RNF217: variants seen among roughly 807,000 people sequenced by gnomAD.
RNF217 encodes the protein ring finger protein 217.
In RNF217, 31 loss-of-function variants were observed where a neutral mutation model predicts 57.8. That is an observed-to-expected ratio of 0.54 (90% CI 0.40 to 0.72). The LOEUF is 0.72. Ranked by LOEUF, RNF217 falls within the 30% of genes least tolerant of loss-of-function variation. The pLI is 0.00. For synonymous variants in RNF217, 313 were observed against 294.0 expected (o/e 1.06, Z -0.66); for missense variants, 696 against 708.3 (o/e 0.98, Z 0.20).
chr6:124,987,574 A>G (rs1784407228), intron 1 of RNF217, among the ~76,000 whole-genome samples: 1 of 152,174 alleles, frequency 6.6e-6, no homozygotes, highest in South Asian at 2.1e-4. Flanking sequence ...TCATAAATTG[A>G]GCTCAGAAAA....
intron 1 of RNF217, among the ~76,000 whole-genome samples, chr6:125,022,344 G>A (rs1785877090): frequency 6.6e-6 from 1 of 152,146 alleles, no homozygotes; most frequent in African/African-American, 2.4e-5. Context: ...TGAAATTATA[G>A]GCAGTAACAG....
At chr6:124,964,799 G>A (rs893976543) in intron 1 of RNF217, among the ~76,000 whole-genome samples, 4 of 152,166 alleles carry the variant, frequency 2.6e-5, no homozygotes, top group Non-Finnish European at 5.9e-5. Flanking sequence ...AACAGATTTC[G>A]CTGCCCTGCG....
chr6:125,065,508 CT>C (rs1280100827), intron 3 of RNF217, among the ~76,000 whole-genome samples: 7 of 152,060 alleles, frequency 4.6e-5, no homozygotes, highest in African/African-American at 1.7e-4. Context: ...TTTGTGACAA[CT>C]AGACACTCCA....
intron 5 of RNF217, 57 bp downstream of exon 5, chr6:125,081,564 A>T: frequency 8.0e-6 from 11 of 1,370,214 alleles, no homozygotes; most frequent in Non-Finnish European, 1.1e-5. Flanking sequence ...TAGAGAGAAT[A>T]CGAGTGTAAA....
intron 1 of RNF217, among the ~76,000 whole-genome samples, chr6:125,015,055 G>A (rs988130718): frequency 3.9e-5 from 6 of 152,214 alleles, no homozygotes; most frequent in Middle Eastern, 3.4e-3. Context: ...CTTACTTCAT[G>A]TCTGAAGTAT....
intron 2 of RNF217, among the ~76,000 whole-genome samples, chr6:125,055,033 T>C (rs1483835531): frequency 6.6e-6 from 1 of 152,172 alleles, no homozygotes; most frequent in East Asian, 1.9e-4. Context: ...TGTTGATGTC[T>C]GTATGTGTTT....
At chr6:125,026,918 G>A (rs34607926) in intron 1 of RNF217, among the ~76,000 whole-genome samples, 6,532 of 152,036 alleles carry the variant, frequency 0.043, 201 homozygotes, top group Non-Finnish European at 0.067. Flanking sequence ...TTTGGATACA[G>A]TAAATATTAA....
Position 124,962,928 on chromosome 6 carries a change from C to G in RNF217, c.384C>G (p.Pro128=). The change falls in exon 1 of 6, where the codon CCC becomes CCG. Residue 128 remains proline, a synonymous_variant. Transcript: ENST00000521654. This position sits in a 1 kb window ranked among gnomAD's most constrained non-coding sequence, Gnocchi z 4.6. ...GAGGGGATGAACAGCAGGAGGCGCC[C>G]CCCGGCGAAGAGCTGGAGCCCAGGA... The part of the protein sequence containing the change: ...KEGGDEQQEA[P]PGEELEPRTR... The G allele has an allele frequency of 6.3e-7, 1 of 1,598,008 alleles. No homozygotes were observed. Among genetic ancestry groups the G allele is most frequent in the African/African-American group, 1.3e-5 (1 of 75,038 alleles).
chr6:124,970,812 G>A (rs180852739), intron 1 of RNF217, among the ~76,000 whole-genome samples: 68 of 152,246 alleles, frequency 4.5e-4, no homozygotes, highest in African/African-American at 1.5e-3. Context: ...GGGCTAATTC[G>A]GCAAGAAGAG....
chr6:124,988,063 G>A (rs1172599282), intron 1 of RNF217, among the ~76,000 whole-genome samples: 1 of 152,116 alleles, frequency 6.6e-6, no homozygotes, highest in African/African-American at 2.4e-5. Context: ...CCTGAGCTCC[G>A]CCTCCTATCA....
intron 1 of RNF217, among the ~76,000 whole-genome samples, chr6:124,975,690 G>C (rs1358529297): frequency 1.3e-5 from 2 of 151,884 alleles, no homozygotes; most frequent in Admixed American, 1.3e-4. Flanking sequence ...AACCACCTGG[G>C]CCTCCCGAAG....
chr6:125,057,901 G>C, intron 2 of RNF217, 41 bp from the exon 3 acceptor site: 1 of 1,512,570 alleles, frequency 6.6e-7, no homozygotes, highest in East Asian at 2.3e-5. Flanking sequence ...GACACTTTCA[G>C]TATATCCACT....
intron 1 of RNF217, among the ~76,000 whole-genome samples, chr6:125,040,142 A>G (rs1329236103): frequency 1.3e-5 from 2 of 152,170 alleles, no homozygotes; most frequent in African/African-American, 2.4e-5. Flanking sequence ...AAAAAAATCA[A>G]TGAATCCAGG....
intron 1 of RNF217, among the ~76,000 whole-genome samples, chr6:125,034,264 T>C (rs1456753518): frequency 2.6e-5 from 4 of 152,140 alleles, no homozygotes; most frequent in Admixed American, 6.6e-5. Context: ...ACATGAAGTC[T>C]TTGCCCATGC....
intron 1 of RNF217, among the ~76,000 whole-genome samples, chr6:124,999,922 T>C (rs1193229163): frequency 6.6e-6 from 1 of 152,216 alleles, no homozygotes; most frequent in Admixed American, 6.5e-5. Flanking sequence ...AATAGCTTAT[T>C]TACAAATTGA....
rs376223558 is a variant in RNF217, at chr6:125,082,912, G to A, written c.1604G>A (p.Arg535Gln). ...IYCLCKKQRK[R>Q]SRTGMHW Reference sequence around the variant, plus strand: ...TGCCTTTGTAAAAAACAGAGAAAACGATCACGGACAGGTATGCACTGGTAA... The same window carrying A: ...TGCCTTTGTAAAAAACAGAGAAAACAATCACGGACAGGTATGCACTGGTAA... The change falls in exon 6 of 6, where the codon CGA becomes CAA. Residue 535 changes from arginine to glutamine, a missense_variant. Coordinates refer to ENST00000521654, the MANE Select transcript of RNF217 (RefSeq NM_001286398.3). 11 of 1,604,380 alleles carry A rather than the reference G, an allele frequency of 6.9e-6. No individual in the cohort carries two copies. The highest frequency in any genetic ancestry group is 6.7e-5 in the East Asian group (3 of 44,788).
chr6:124,971,254 A>G (rs1341026108), intron 1 of RNF217: 1 of 152,968 alleles, frequency 6.5e-6, no homozygotes, highest in Non-Finnish European at 1.5e-5. Flanking sequence ...AAGTTGATAC[A>G]TATATTGTAC....
chr6:125,026,455 A>G (rs1582724139), intron 1 of RNF217, among the ~76,000 whole-genome samples: 3 of 152,314 alleles, frequency 2.0e-5, no homozygotes, highest in Admixed American at 2.0e-4. Flanking sequence ...TATCATCATC[A>G]TCGTCATCAT....
At position 125,091,757 on chromosome 6, in the gene RNF217, TGGC is replaced by T. The variant is rs1245849059; in HGVS notation, c.*8821_*8823del. The T allele has an allele frequency of 3.9e-5, 6 of 152,180 alleles. No homozygotes were observed. The highest frequency in any genetic ancestry group is 1.4e-4 in the African/African-American group (6 of 41,454). The allele number at this position is 152,180 out of a possible 1,614,324, so 9.4% of individuals were successfully genotyped here. A position where few individuals can be genotyped will look rare whatever the true frequency, so the allele number is the denominator to read the frequency against. On this transcript the variant is annotated 3_prime_UTR_variant, in exon 6 of 6. Coordinates refer to ENST00000521654, the MANE Select transcript of RNF217 (RefSeq NM_001286398.3). ...TGACCAGTTCCTTACAACTTATTCT[TGGC>T]AATATTTTGTCAGTAATATACTTTC...
Sources: gnomAD v4.1 joint callset for allele counts (sites outside exome capture counted in the v4.1 genomes callset) on GRCh38, gnomAD v4.1.1 for gene constraint, Gnocchi (gnomAD v3.1) non-coding constraint, MANE v1.5 for transcripts, NCBI Gene and HGNC (gene_info 2026-07-23, HGNC 2026-07-21) for gene names.